CEP112: variants seen among roughly 807,000 people sequenced by gnomAD.
CEP112 encodes centrosomal protein of 112 kDa.
In CEP112, 127 loss-of-function variants were observed where a neutral mutation model predicts 153.0. The observed-to-expected ratio is 0.83, with a 90% confidence interval of 0.72 to 0.96. The LOEUF is 0.96. CEP112 is among the 40% of genes least tolerant of loss of function. The pLI is 0.00. For synonymous variants in CEP112, 358 were observed against 374.4 expected (o/e 0.96, Z 0.51); for missense variants, 1,089 against 1,101.2 (o/e 0.99, Z 0.16).
At chr17:66,111,199 C>A (rs1035866577) in intron 6 of CEP112, among the ~76,000 whole-genome samples, 14 of 152,008 alleles carry the variant, frequency 9.2e-5, no homozygotes, top group African/African-American at 2.9e-4. Context: ...TAAACAAAAT[C>A]AAAAAATAAC....
chr17:65,962,122 G>A (rs2062226562), intron 17 of CEP112, among the ~76,000 whole-genome samples: 1 of 152,194 alleles, frequency 6.6e-6, no homozygotes, highest in Non-Finnish European at 1.5e-5. Flanking sequence ...GAAATAGGGA[G>A]TGATTGCCAA....
At chr17:65,742,982 T>G (rs2051219061) in intron 23 of CEP112, 86 bp downstream of exon 23, 1 of 1,057,084 alleles carries the variant, frequency 9.5e-7, no homozygotes, top group Non-Finnish European at 1.3e-6. Context: ...ATACCCGCAT[T>G]CATCTGCCCA....
chr17:65,701,906 T>C (rs1317971764), intron 23 of CEP112, among the ~76,000 whole-genome samples: 2 of 148,736 alleles, frequency 1.3e-5, no homozygotes, highest in Non-Finnish European at 3.0e-5. Context: ...TTGTTTTTTT[T>C]TTTTTTTTTT....
intron 24 of CEP112, among the ~76,000 whole-genome samples, chr17:65,672,674 G>A (rs936083521): frequency 6.6e-6 from 1 of 152,150 alleles, no homozygotes; most frequent in African/African-American, 2.4e-5. Flanking sequence ...GCAAGTAAGT[G>A]GAAGTGGCAG....
chr17:65,864,109 C>A (rs1365237519), intron 20 of CEP112, among the ~76,000 whole-genome samples: 1 of 148,404 alleles, frequency 6.7e-6, no homozygotes, highest in Non-Finnish European at 1.5e-5. Context: ...CCACTACACT[C>A]CAGCCTGGGC....
chr17:65,799,732 C>A (rs1326901495), intron 21 of CEP112, among the ~76,000 whole-genome samples: 1 of 152,188 alleles, frequency 6.6e-6, no homozygotes, highest in African/African-American at 2.4e-5. Flanking sequence ...TGACGCAAGT[C>A]AAACAACTGA....
intron 21 of CEP112, among the ~76,000 whole-genome samples, chr17:65,844,536 T>C (rs1257795483): frequency 1.3e-5 from 2 of 151,310 alleles, no homozygotes; most frequent in African/African-American, 4.9e-5. Context: ...GATACAAAAA[T>C]TAGCTGGATG....
intron 23 of CEP112, among the ~76,000 whole-genome samples, chr17:65,715,851 G>T (rs2049478154): frequency 6.6e-6 from 1 of 152,226 alleles, no homozygotes; most frequent in South Asian, 2.1e-4. Flanking sequence ...GAGTTAGGGG[G>T]ATTTGTGATG....
Position 65,922,402 on chromosome 17 carries a change from C to CT in CEP112, c.1980+5179dup, listed in dbSNP as rs2060765716. Among the ~76,000 whole-genome samples, 4 of 152,104 alleles carry CT rather than the reference C, an allele frequency of 2.6e-5. No homozygotes were observed. The South Asian group carries it at 8.3e-4, about 32-fold the overall frequency. ...TCTGCTTCAATTATTTCTTCAATTACTTTTTTAACTCAAAATACTTTTTAT... is the reference window on the plus strand; with the variant it reads ...TCTGCTTCAATTATTTCTTCAATTACTTTTTTTAACTCAAAATACTTTTTAT... On this transcript the variant is annotated intron_variant, in intron 19 of 26. Transcript: ENST00000535342.
chr17:65,637,499 G>T (rs141011366), intron 25 of CEP112, among the ~76,000 whole-genome samples: 1 of 152,100 alleles, frequency 6.6e-6, no homozygotes. Context: ...TGTCTTTCTC[G>T]CTCCGTTGCT....
intron 24 of CEP112, among the ~76,000 whole-genome samples, chr17:65,681,099 G>A (rs989079100): frequency 3.3e-5 from 5 of 152,190 alleles, no homozygotes; most frequent in African/African-American, 7.2e-5. Flanking sequence ...GGTGGGCAGG[G>A]CTGTTTTGAG....
chr17:65,785,013 C>G (rs2054206482), intron 21 of CEP112, among the ~76,000 whole-genome samples: 1 of 152,160 alleles, frequency 6.6e-6, no homozygotes, highest in East Asian at 1.9e-4. Context: ...CCACTGGCAA[C>G]CACTAATCTA....
At chr17:66,075,813 A>AC (rs1283725800) in intron 8 of CEP112, among the ~76,000 whole-genome samples, 2 of 152,030 alleles carry the variant, frequency 1.3e-5, no homozygotes, top group African/African-American at 4.8e-5. Flanking sequence ...CCCCGAGGGG[A>AC]CCCCCAGACC....
At chr17:65,906,883 C>T (rs1203952299) in intron 19 of CEP112, among the ~76,000 whole-genome samples, 2 of 152,040 alleles carry the variant, frequency 1.3e-5, no homozygotes, top group Admixed American at 1.3e-4. Flanking sequence ...TTCTACTCAG[C>T]GTTATACCAA....
intron 23 of CEP112, among the ~76,000 whole-genome samples, chr17:65,725,097 A>G (rs2050102785): frequency 6.6e-6 from 1 of 152,138 alleles, no homozygotes; most frequent in Non-Finnish European, 1.5e-5. Flanking sequence ...GTGGTTTAAT[A>G]TGTTAATATA....
At chr17:66,062,379 A>C (rs1426853128) in intron 11 of CEP112, among the ~76,000 whole-genome samples, 1 of 152,124 alleles carries the variant, frequency 6.6e-6, no homozygotes, top group Non-Finnish European at 1.5e-5. Flanking sequence ...TATATATTTC[A>C]AAAAGTTAGA....
At chr17:66,169,409 G>A (rs575208286) in intron 4 of CEP112, among the ~76,000 whole-genome samples, 48 of 149,562 alleles carry the variant, frequency 3.2e-4, no homozygotes, top group African/African-American at 9.1e-4. Flanking sequence ...TCGGCCTCCC[G>A]AGTAGCTGGG....
chr17:65,947,829 T>G (rs2061695861), intron 18 of CEP112, among the ~76,000 whole-genome samples: 1 of 152,134 alleles, frequency 6.6e-6, no homozygotes, highest in Admixed American at 6.5e-5. Context: ...TTATCATCAA[T>G]AATTAACCAA....
intron 21 of CEP112, among the ~76,000 whole-genome samples, chr17:65,789,877 A>C (rs892061659): frequency 2.0e-5 from 3 of 152,190 alleles, no homozygotes; most frequent in African/African-American, 7.2e-5. Context: ...TCTAGCATAT[A>C]ATAGGATGCA....
Sources: gnomAD v4.1 joint callset for allele counts (sites outside exome capture counted in the v4.1 genomes callset) on GRCh38, gnomAD v4.1.1 for gene constraint, MANE v1.5 for transcripts, NCBI Gene and HGNC (gene_info 2026-07-23, HGNC 2026-07-21) for gene names.